MBD5: variants seen among roughly 807,000 people sequenced by gnomAD.
MBD5 encodes the protein methyl-CpG binding domain protein 5, also known as methyl-CpG-binding domain protein 5.
Under a neutral mutation model 117.3 loss-of-function variants are expected in MBD5, and 13 were observed. The ratio of observed to expected loss-of-function variants is 0.11; its 90% CI spans 0.07 to 0.18. MBD5 has a LOEUF of 0.18. MBD5 is among the 10% of genes least tolerant of loss of function. The pLI, the probability that MBD5 is intolerant of heterozygous loss-of-function variation, is 1.00. For missense variants in MBD5, 1,879 were observed against 2,093.8 expected, an observed-to-expected ratio of 0.90 and a Z score of 2.00; for synonymous variants, 727 against 766.4, an observed-to-expected ratio of 0.95 and a Z score of 0.85.
Position 148,037,507 on chromosome 2 carries a change from ATAT to A in MBD5, c.-925+15830_-925+15832del, listed in dbSNP as rs534706945. Among the ~76,000 whole-genome samples, 296 of 152,076 alleles carry A rather than the reference ATAT, an allele frequency of 1.9e-3. 3 individuals are homozygous for A. The highest frequency in any genetic ancestry group is 8.3e-3 in the South Asian group (40 of 4,828). On this transcript the variant is annotated intron_variant, in intron 1 of 13. Coordinates refer to ENST00000642680, the MANE Select transcript of MBD5 (RefSeq NM_001378120.1). ...TTTTTAAAGTTATGCCTTGTGAAAA[ATAT>A]TATTATCTTTAAATGAGACAGTTAG...
At chr2:148,269,531 A>G (rs1700934638) in intron 3 of MBD5, among the ~76,000 whole-genome samples, 1 of 151,802 alleles carries the variant, frequency 6.6e-6, no homozygotes, top group Non-Finnish European at 1.5e-5. Context: ...ACAACTTTTA[A>G]GACATTATTT....
chr2:148,317,757 G>C (rs1702188312), intron 3 of MBD5, among the ~76,000 whole-genome samples: 1 of 152,124 alleles, frequency 6.6e-6, no homozygotes, highest in African/African-American at 2.4e-5. Context: ...ATGACCTCCA[G>C]TTCCACCCAT....
At chr2:148,215,762 A>G (rs911541417) in intron 2 of MBD5, among the ~76,000 whole-genome samples, 2 of 147,606 alleles carry the variant, frequency 1.4e-5, no homozygotes, top group African/African-American at 2.5e-5. Flanking sequence ...GCTTCAAGCG[A>G]TTTTCCTACC....
intron 4 of MBD5, among the ~76,000 whole-genome samples, chr2:148,404,526 T>C (rs1488136965): frequency 2.0e-5 from 3 of 152,216 alleles, no homozygotes; most frequent in Admixed American, 2.0e-4. Flanking sequence ...TCACACTGCA[T>C]TGGTCTCCCT....
At chr2:148,216,842 T>G (rs1034317409) in intron 2 of MBD5, among the ~76,000 whole-genome samples, 1 of 152,150 alleles carries the variant, frequency 6.6e-6, no homozygotes. Context: ...TACTTTTAGT[T>G]CTGGAAAAGA....
intron 4 of MBD5, among the ~76,000 whole-genome samples, chr2:148,397,149 A>G (rs1236532063): frequency 6.6e-6 from 1 of 152,052 alleles, no homozygotes; most frequent in African/African-American, 2.4e-5. Context: ...ATACATCTCT[A>G]TGAATTTTTT....
chr2:148,074,507 G>GTTTTTTTTTTTGTT (rs1553469620), intron 1 of MBD5, among the ~76,000 whole-genome samples: 15 of 113,772 alleles, frequency 1.3e-4, no homozygotes, highest in African/African-American at 3.8e-4. Flanking sequence ...TTTTTTTTTT[G>GTTTTTTTTTTTGTT]TTTTTTTTTT....
intron 1 of MBD5, among the ~76,000 whole-genome samples, chr2:148,084,145 T>C (rs1364796176): frequency 1.3e-5 from 2 of 152,208 alleles, no homozygotes; most frequent in Admixed American, 6.5e-5. Context: ...GTAGTACTTA[T>C]TGCATTTAAA....
Position 148,402,871 on chromosome 2 carries a change from T to TC in MBD5, c.-556-55331dup, listed in dbSNP as rs1704965777. Among the ~76,000 whole-genome samples, 3 of 152,082 alleles carry TC rather than the reference T, an allele frequency of 2.0e-5. No individual in the cohort carries two copies. In the South Asian group the frequency reaches 6.2e-4, roughly 32 times the overall value. ...AGTTATCAGATAGTTGTTTTTTTTT[T>TC]CTCTTAAGTCTGGGTGCTGGAATAG... On this transcript the variant is annotated intron_variant, in intron 4 of 13. Transcript: ENST00000642680.
intron 9 of MBD5, 31 bp from the exon 10 acceptor site, chr2:148,485,711 T>A (rs1490806839): frequency 6.7e-7 from 1 of 1,498,530 alleles, no homozygotes; most frequent in African/African-American, 1.4e-5. Flanking sequence ...AGAATCACAT[T>A]TATTTATATT....
chr2:148,130,815 A>C (rs946204788), intron 1 of MBD5, among the ~76,000 whole-genome samples: 2 of 152,184 alleles, frequency 1.3e-5, no homozygotes, highest in South Asian at 4.1e-4. Context: ...AGCAGCAGGA[A>C]TTTACTCACT....
intron 4 of MBD5, among the ~76,000 whole-genome samples, chr2:148,441,791 C>T (rs7569867): frequency 6.1e-4 from 93 of 151,744 alleles, no homozygotes; most frequent in African/African-American, 2.2e-3. Context: ...TTTTAATGAT[C>T]GCCATTCTAA....
At chr2:148,303,407 A>T (rs888553664) in intron 3 of MBD5, among the ~76,000 whole-genome samples, 1 of 152,232 alleles carries the variant, frequency 6.6e-6, no homozygotes, top group African/African-American at 2.4e-5. Flanking sequence ...TTACCACAAC[A>T]GCACAGCAGG....
intron 1 of MBD5, among the ~76,000 whole-genome samples, chr2:148,033,939 A>T (rs1019073947): frequency 2.0e-5 from 3 of 152,234 alleles, no homozygotes; most frequent in African/African-American, 7.2e-5. Context: ...TGCAATATCT[A>T]GCAGGCTACT....
chr2:148,039,679 T>C (rs1437248852), intron 1 of MBD5, among the ~76,000 whole-genome samples: 4 of 69,322 alleles, frequency 5.8e-5, no homozygotes, highest in Non-Finnish European at 1.3e-4. Flanking sequence ...CTACTGTGTA[T>C]TCTTTAATTT....
Position 148,483,171 on chromosome 2 carries a change from G to C in MBD5, c.2580G>C (p.Lys860Asn). 6.2e-7 allele frequency: 1 copy of C among 1,612,690 alleles called. No homozygotes were observed. Among genetic ancestry groups the C allele is most frequent in the Non-Finnish European group, 8.5e-7 (1 of 1,179,838 alleles). Residue 860 changes from lysine to asparagine, a missense_variant, in exon 9 of 14, where the codon AAG (lysine) becomes AAC (asparagine). Physicochemically the swap from Lys to Asn is moderately conservative, Grantham distance 94 (BLOSUM62 0). Coordinates refer to ENST00000642680, the MANE Select transcript of MBD5 (RefSeq NM_001378120.1). ...IAGTNHPAIT[K>N]TTSVLQDGVI... Reference sequence around the variant, plus strand: ...GCACCAACCACCCTGCCATCACAAAGACAACATCTGTTCTTCAAGATGGCG... The same window carrying C: ...GCACCAACCACCCTGCCATCACAAACACAACATCTGTTCTTCAAGATGGCG...
intron 1 of MBD5, among the ~76,000 whole-genome samples, chr2:148,040,071 A>G (rs1414116374): frequency 1.3e-5 from 2 of 152,114 alleles, no homozygotes; most frequent in African/African-American, 2.4e-5. Flanking sequence ...AAAACTATGT[A>G]TTGGGTACTA....
chr2:148,281,994 C>T (rs1701259650), intron 3 of MBD5, among the ~76,000 whole-genome samples: 1 of 152,158 alleles, frequency 6.6e-6, no homozygotes, highest in African/African-American at 2.4e-5. Flanking sequence ...ATAATGTCAG[C>T]CTTGCGTACT....
intron 1 of MBD5, among the ~76,000 whole-genome samples, chr2:148,052,015 GTTATCAT>G (rs1225718041): frequency 1.3e-4 from 19 of 151,602 alleles, no homozygotes; most frequent in Non-Finnish European, 2.4e-4. Flanking sequence ...TGACATTCTT[GTTATCAT>G]TCCTAATTTT....
Sources: gnomAD v4.1 joint callset for allele counts (sites outside exome capture counted in the v4.1 genomes callset) on GRCh38, gnomAD v4.1.1 for gene constraint, MANE v1.5 for transcripts, NCBI Gene and HGNC (gene_info 2026-07-23, HGNC 2026-07-21) for gene names.